The following PRDM1 variants were observed in gnomAD, a reference collection of about 807,000 sequenced individuals.
The protein encoded by PRDM1 is PR domain zinc finger protein 1.
Under a neutral mutation model 62.8 loss-of-function variants are expected in PRDM1, and 13 were observed. That is an observed-to-expected ratio of 0.21 (90% CI 0.13 to 0.33). The LOEUF (loss-of-function observed/expected upper bound fraction) is 0.33. PRDM1 is among the 10% of genes least tolerant of loss of function. The pLI is 1.00. For synonymous variants in PRDM1, 396 were observed against 417.6 expected (o/e 0.95, Z 0.63); for missense variants, 895 against 1,058.8 (o/e 0.85, Z 2.15).
chr6:106,094,907 AC>A (rs1774053539), intron 2 of PRDM1, among the ~76,000 whole-genome samples: 1 of 46,324 alleles, frequency 2.2e-5, no homozygotes, highest in Non-Finnish European at 7.5e-5. Context: ...TGTCTTTAAA[AC>A]ACACACACAC....
intron 1 of PRDM1, among the ~76,000 whole-genome samples, chr6:106,041,108 A>C (rs1772988463): frequency 6.6e-6 from 1 of 152,172 alleles, no homozygotes; most frequent in South Asian, 2.1e-4. Flanking sequence ...CAATGCTTGG[A>C]GCTCCAGCAG....
chr6:106,077,049 C>T (rs1773615194), intron 1 of PRDM1, among the ~76,000 whole-genome samples: 1 of 152,210 alleles, frequency 6.6e-6, no homozygotes, highest in African/African-American at 2.4e-5. Flanking sequence ...ATGCTGTTGT[C>T]AGAGGTAAGT....
chr6:106,025,082 T>C lies in PRDM1; in HGVS notation c.-67+31443T>C, dbSNP rs184165365. Among the ~76,000 whole-genome samples, 13 of 152,324 alleles carry C rather than the reference T, an allele frequency of 8.5e-5. No homozygotes were observed. The East Asian group carries it at 2.5e-3, about 29-fold the overall frequency. ...TTAATGGTTTAAAAATAAATAGTGC[T>C]GTATAGAGGTGAGGCTTTTTAAGCA... On this transcript the variant is annotated intron_variant, in intron 1 of 6. Transcript: ENST00000652320.
In PRDM1 at chr6:106,099,312, G is replaced by T; in HGVS notation, c.424G>T (p.Gly142Trp). 6.2e-7 allele frequency: 1 copy of T among 1,614,098 alleles called. No individual in the cohort carries two copies. Among genetic ancestry groups the T allele is most frequent in the South Asian group, 1.1e-5 (1 of 91,084 alleles). The stretch of plus-strand genomic sequence containing the variant: ...CTCTTTTGGACAGATCTATTCCAGA[G>T]GGGAGCTTCACCACTTCATTGACGG... The part of the protein sequence containing the change: ...RKYFWRIYSR[G>W]ELHHFIDGFN... The change falls in exon 4 of 7, where the codon GGG becomes TGG. Residue 142 changes from glycine (G) to tryptophan (W), a missense_variant. This residue lies in a region of PRDM1 where 213 missense variants were observed against 283.9 expected (regional missense o/e 0.75). Transcript: ENST00000369096.
chr6:106,079,604 C>T (rs917229937), intron 1 of PRDM1, among the ~76,000 whole-genome samples: 12 of 152,142 alleles, frequency 7.9e-5, no homozygotes, highest in African/African-American at 1.4e-4. Flanking sequence ...TCAAGACCAG[C>T]GTGGCCAACA....
intron 1 of PRDM1, among the ~76,000 whole-genome samples, chr6:106,080,487 G>T (rs1439169997): frequency 6.6e-6 from 1 of 152,124 alleles, no homozygotes; most frequent in East Asian, 1.9e-4. Context: ...GAGGAGAAAA[G>T]GTCCAGATGG....
At chr6:106,008,122 C>G (rs1271413956) in intron 1 of PRDM1, among the ~76,000 whole-genome samples, 1 of 152,176 alleles carries the variant, frequency 6.6e-6, no homozygotes, top group Admixed American at 6.5e-5. Context: ...CCTGTAATCC[C>G]AACACTTTGG....
At chr6:106,095,903 A>T (rs1774102900) in intron 3 of PRDM1, 169 bp downstream of exon 3, 1 of 707,928 alleles carries the variant, frequency 1.4e-6, no homozygotes, top group Admixed American at 2.9e-5. Flanking sequence ...GATGAAACCG[A>T]TGAAATGTCT....
Position 106,020,138 on chromosome 6 carries a change from G to A in PRDM1, c.-67+26499G>A, listed in dbSNP as rs1772678047. On this transcript the variant is annotated intron_variant, in intron 1 of 6. Coordinates refer to the PRDM1 transcript ENST00000652320. ...AGCTACTTGGGAGGCTGAGGCAGAA[G>A]AATCACTTGAACCCAGGAGGGGAAA... Among the ~76,000 whole-genome samples the A allele has an allele frequency of 2.1e-5, 3 of 140,884 alleles. No homozygotes were observed. In the South Asian group the frequency reaches 6.7e-4, roughly 31 times the overall value. The allele number at this position is 140,884 out of a possible 152,430, so 92.4% of individuals were successfully genotyped here.
At position 106,010,758 on chromosome 6, in the gene PRDM1, G is replaced by A. The variant is rs912427998; in HGVS notation, c.-67+17119G>A. ...CCGTATTATCACCACGTGCCCTGTC[G>A]TGTCAGGGGTGCATTTGTTAACTGC... On this transcript the variant is annotated intron_variant, in intron 1 of 6. Transcript: ENST00000652320. 3.9e-5 allele frequency among the ~76,000 whole-genome samples: 6 copies of A among 152,270 alleles called. No homozygotes were observed. In the South Asian group the frequency reaches 6.2e-4, roughly 16 times the overall value.
intron 4 of PRDM1, 52 bp downstream of exon 4, chr6:106,099,604 G>A (rs1414564292): frequency 1.3e-6 from 2 of 1,598,602 alleles, no homozygotes; most frequent in African/African-American, 1.3e-5. Flanking sequence ...TGTCGGTTCT[G>A]CCCCTTTGAA....
intron 1 of PRDM1, among the ~76,000 whole-genome samples, chr6:106,007,395 A>G (rs1201349707): frequency 1.3e-5 from 2 of 151,736 alleles, no homozygotes; most frequent in Non-Finnish European, 2.9e-5. Context: ...GCGCCACTGC[A>G]CTCCAGCCTG....
At chr6:106,101,368 C>T (rs1308695858) in intron 4 of PRDM1, among the ~76,000 whole-genome samples, 2 of 152,132 alleles carry the variant, frequency 1.3e-5, no homozygotes, top group African/African-American at 2.4e-5. Flanking sequence ...TTTTATTCCT[C>T]AAAGAAAGGT....
upstream of PRDM1, among the ~76,000 whole-genome samples, chr6:106,047,643 AC>A (rs1262391742): frequency 1.3e-5 from 2 of 152,236 alleles, no homozygotes; most frequent in African/African-American, 4.8e-5. Flanking sequence ...ACATTTTGCT[AC>A]CATTTCTTAT....
In PRDM1 at chr6:106,106,354, A is replaced by G. The variant is rs1375409066; in HGVS notation, c.1774-17A>G. On this transcript the variant is annotated splice_polypyrimidine_tract_variant and intron_variant, in intron 5 of 6. Coordinates refer to ENST00000369096, the MANE Select transcript of PRDM1 (RefSeq NM_001198.4). This position sits in a 1 kb window ranked among gnomAD's most constrained non-coding sequence, Gnocchi z 4.4. ...GCCAGCTTGAGAGCAGAGCTAACAC[A>G]TGTGGCTTCTTCCCAGGTCCACCTG... 5 of 1,613,882 alleles carry G rather than the reference A, an allele frequency of 3.1e-6. No individual in the cohort carries two copies. The East Asian group carries it at 8.9e-5, about 29-fold the overall frequency.
chr6:106,084,337 C>A (rs1369237860), upstream of PRDM1, among the ~76,000 whole-genome samples: 1 of 152,202 alleles, frequency 6.6e-6, no homozygotes, highest in Non-Finnish European at 1.5e-5. Flanking sequence ...TTGAAGTTTG[C>A]GTCCTCCCTA....
intron 1 of PRDM1, among the ~76,000 whole-genome samples, chr6:106,070,780 G>C (rs995888194): frequency 2.0e-5 from 3 of 152,062 alleles, no homozygotes; most frequent in African/African-American, 7.2e-5. Context: ...TAACCCTATG[G>C]CATAGTGCTT....
intron 4 of PRDM1, chr6:106,100,716 A>G (rs1032419248): frequency 6.6e-6 from 1 of 152,118 alleles, no homozygotes; most frequent in Non-Finnish European, 1.5e-5. Context: ...GATCTCCCTT[A>G]AGATTGCAAG....
chr6:106,099,851 AG>A (rs1439123581), intron 4 of PRDM1: 2 of 401,340 alleles, frequency 5.0e-6, no homozygotes, highest in African/African-American at 4.1e-5. Flanking sequence ...GGAGAATTAC[AG>A]GGATTGGTCC....
Sources: gnomAD v4.1 joint callset for allele counts (sites outside exome capture counted in the v4.1 genomes callset) on GRCh38, gnomAD v4.1.1 for gene constraint, gnomAD v4.1.1 regional missense constraint, Gnocchi (gnomAD v3.1) non-coding constraint, MANE v1.5 for transcripts, NCBI Gene and HGNC (gene_info 2026-07-23, HGNC 2026-07-21) for gene names.